The following ALDH1A2 variants were observed in gnomAD, a reference collection of about 807,000 sequenced individuals.
The protein encoded by ALDH1A2 is aldehyde dehydrogenase 1 family member A2.
ALDH1A2 carries 27 observed loss-of-function variants against 60.3 expected under a neutral mutation model. The ratio of observed to expected loss-of-function variants is 0.45; its 90% CI spans 0.33 to 0.62. ALDH1A2 has a LOEUF of 0.62. Among genes scored for constraint, ALDH1A2 ranks in the 20% least tolerant of loss-of-function variants. The pLI, the probability that ALDH1A2 is intolerant of heterozygous loss-of-function variation, is 0.02. For missense variants in ALDH1A2, 581 were observed against 643.8 expected (o/e 0.90, Z 1.06); for synonymous variants, 289 against 232.4 (o/e 1.24, Z -2.21).
rs558970668 is a variant in ALDH1A2, at chr15:57,965,715, G to A, written c.901+10C>T. ...TGGTGGTTCATGTATGGGACCTGTA[G>A]TTGACTTACAGTCAGCATCAGCAAA... is the stretch of plus-strand genomic sequence containing the variant. On this transcript the variant is annotated intron_variant, in intron 8 of 12. Transcript: ENST00000249750. 22 of 1,602,548 alleles carry A rather than the reference G, an allele frequency of 1.4e-5. No homozygotes were observed. Among genetic ancestry groups the A allele is most frequent in the Non-Finnish European group, 1.8e-5 (21 of 1,169,404 alleles).
At chr15:58,057,954 A>C (rs1351256150) in intron 1 of ALDH1A2, 1 of 893,416 alleles carries the variant, frequency 1.1e-6, no homozygotes, top group Admixed American at 4.0e-5. Context: ...TTTTATAATA[A>C]AATTAAATAA....
chr15:58,005,267 G>GCTTCTCCT (rs1895410745), intron 4 of ALDH1A2, among the ~76,000 whole-genome samples: 1 of 151,930 alleles, frequency 6.6e-6, no homozygotes, highest in Admixed American at 6.6e-5. Flanking sequence ...TTAATACTAG[G>GCTTCTCCT]AGATGTCTCT....
chr15:58,062,224 A>C (rs540909754), intron 1 of ALDH1A2, among the ~76,000 whole-genome samples: 30 of 152,232 alleles, frequency 2.0e-4, no homozygotes, highest in Middle Eastern at 3.4e-3. Flanking sequence ...GAAAAAAAAA[A>C]CATAACTCTT....
chr15:58,028,131 T>G (rs1210393960), intron 1 of ALDH1A2, among the ~76,000 whole-genome samples: 1 of 151,706 alleles, frequency 6.6e-6, no homozygotes, highest in Non-Finnish European at 1.5e-5. Flanking sequence ...AAGGAAAAAA[T>G]GTTAAGGGCA....
Position 57,961,253 on chromosome 15 carries a change from C to A in ALDH1A2, c.1293G>T (p.Met431Ile). The change falls in exon 11 of 13, where the codon ATG becomes ATT. Residue 431 changes from methionine to isoleucine, a missense_variant. Physicochemically the swap from Met to Ile is conservative, Grantham distance 10. Coordinates refer to ENST00000249750, the MANE Select transcript of ALDH1A2 (RefSeq NM_003888.4). ...PVQEILRFKT[M>I]DEVIERANNS... ...TATTGGCTCTTTCGATAACTTCATC[C>A]ATCGTCTTAAATCTCAAAATTTCCT... The A allele has an allele frequency of 6.2e-7, 1 of 1,614,086 alleles. No individual in the cohort carries two copies. Among genetic ancestry groups the A allele is most frequent in the Non-Finnish European group, 8.5e-7 (1 of 1,180,004 alleles).
chr15:58,053,924 A>T (rs1189296716), intron 1 of ALDH1A2, among the ~76,000 whole-genome samples: 1 of 152,150 alleles, frequency 6.6e-6, no homozygotes, highest in Non-Finnish European at 1.5e-5. Flanking sequence ...ATAAATACCC[A>T]TTTGTGAAGG....
At chr15:58,022,322 C>T (rs1365614429) in intron 1 of ALDH1A2, among the ~76,000 whole-genome samples, 2 of 152,138 alleles carry the variant, frequency 1.3e-5, no homozygotes, top group African/African-American at 4.8e-5. Flanking sequence ...CCAGCCACTA[C>T]CACATAAGCT....
intron 1 of ALDH1A2, among the ~76,000 whole-genome samples, chr15:58,040,919 A>T (rs1243320261): frequency 6.6e-6 from 1 of 151,894 alleles, no homozygotes; most frequent in Non-Finnish European, 1.5e-5. Flanking sequence ...AGGCACAAAA[A>T]CTAAAATGAA....
intron 1 of ALDH1A2, among the ~76,000 whole-genome samples, chr15:58,042,874 A>C (rs1183513668): frequency 6.6e-6 from 1 of 151,950 alleles, no homozygotes; most frequent in Non-Finnish European, 1.5e-5. Context: ...CTCCTGAGTG[A>C]CTTGAAGTCT....
At chr15:58,030,011 A>C (rs937473116) in intron 1 of ALDH1A2, among the ~76,000 whole-genome samples, 1 of 152,222 alleles carries the variant, frequency 6.6e-6, no homozygotes, top group African/African-American at 2.4e-5. Flanking sequence ...TCAATAGAAA[A>C]AGAGGGAATC....
chr15:58,019,031 T>C (rs369596057), intron 1 of ALDH1A2, among the ~76,000 whole-genome samples: 19 of 152,334 alleles, frequency 1.2e-4, no homozygotes, highest in African/African-American at 3.8e-4. Flanking sequence ...GTTAATTTCC[T>C]GATTTTTATA....
intron 1 of ALDH1A2, among the ~76,000 whole-genome samples, chr15:58,045,821 A>T (rs1896627446): frequency 6.6e-6 from 1 of 152,034 alleles, no homozygotes; most frequent in Non-Finnish European, 1.5e-5. Flanking sequence ...CCTAGAACTT[A>T]AAGTATAATT....
chr15:58,062,173 T>TC (rs1897055904), intron 1 of ALDH1A2, among the ~76,000 whole-genome samples: 1 of 152,082 alleles, frequency 6.6e-6, no homozygotes, highest in Non-Finnish European at 1.5e-5. Flanking sequence ...ATAAATACCC[T>TC]CTTCCTCCCT....
chr15:57,956,319 A>G (rs931705716), intron 12 of ALDH1A2, among the ~76,000 whole-genome samples: 1 of 152,230 alleles, frequency 6.6e-6, no homozygotes, highest in Non-Finnish European at 1.5e-5. Context: ...CAATTAGGAG[A>G]TATATTTGAA....
Position 57,962,092 on chromosome 15 carries a change from C to A in ALDH1A2, c.1171G>T (p.Gly391Ter). 1 of 1,614,196 alleles carries A rather than the reference C, an allele frequency of 6.2e-7. No homozygotes were observed. Among genetic ancestry groups the A allele is most frequent in the Non-Finnish European group, 8.5e-7 (1 of 1,180,026 alleles). ...ATGAAAAACCCCTTTCGGCCCAGTC[C>A]TTTGCCTCCACATTCCAGCTTGGCG... ...EGAKLECGGK[G>*]LGRKGFFIEP... Residue 391 changes from glycine to a stop codon, truncating the protein, a stop_gained, in exon 10 of 13, where the codon GGA becomes TGA. Coordinates refer to ENST00000249750, the MANE Select transcript of ALDH1A2 (RefSeq NM_003888.4). LOFTEE classifies it high-confidence loss of function.
chr15:58,048,585 AT>A (rs1165147161), intron 1 of ALDH1A2, among the ~76,000 whole-genome samples: 3 of 152,012 alleles, frequency 2.0e-5, no homozygotes, highest in Admixed American at 6.6e-5. Flanking sequence ...TGCTTGAGAT[AT>A]TCAGTGTTAT....
chr15:58,053,407 A>G (rs375815157), intron 1 of ALDH1A2, among the ~76,000 whole-genome samples: 20 of 152,298 alleles, frequency 1.3e-4, no homozygotes, highest in African/African-American at 4.1e-4. Flanking sequence ...CATTATTTCA[A>G]CAGTTGTCCC....
chr15:58,009,201 T>C (rs371212746), intron 4 of ALDH1A2, among the ~76,000 whole-genome samples: 1 of 152,064 alleles, frequency 6.6e-6, no homozygotes, highest in African/African-American at 2.4e-5. Context: ...CACACCTACA[T>C]GAGGCATCAC....
Position 57,994,964 on chromosome 15 carries a change from G to GT in ALDH1A2, c.555+113dup, listed in dbSNP as rs34071724. Reference sequence around the variant, plus strand: ...AAGATATGTCAACAACATGAGCTCAGTTTTTTTTCCTCCAGTAATGGAAAA... The same window carrying GT: ...AAGATATGTCAACAACATGAGCTCAGTTTTTTTTTCCTCCAGTAATGGAAAA... On this transcript the variant is annotated intron_variant, in intron 5 of 12. Coordinates refer to ENST00000249750, the MANE Select transcript of ALDH1A2 (RefSeq NM_003888.4). The GT allele has an allele frequency of 3.4e-4, 356 of 1,036,248 alleles. 3 individuals are homozygous for GT. In the South Asian group the frequency reaches 3.5e-3, roughly 10 times the overall value. The allele number at this position is 1,036,248 out of a possible 1,614,324, so 64.2% of individuals were successfully genotyped here. A position where few individuals can be genotyped will look rare whatever the true frequency, so the allele number is the denominator to read the frequency against.
Sources: gnomAD v4.1 joint callset for allele counts (sites outside exome capture counted in the v4.1 genomes callset) on GRCh38, gnomAD v4.1.1 for gene constraint, MANE v1.5 for transcripts, NCBI Gene and HGNC (gene_info 2026-07-23, HGNC 2026-07-21) for gene names.